The following MTMR2 variants were observed in gnomAD, a reference collection of about 807,000 sequenced individuals.
The protein encoded by MTMR2 is myotubularin related protein 2.
A neutral mutation model predicts 86.9 loss-of-function variants in MTMR2; 55 were observed. That is an observed-to-expected ratio of 0.63 (90% CI 0.51 to 0.79). The LOEUF (loss-of-function observed/expected upper bound fraction) is 0.79. Among genes scored for constraint, MTMR2 ranks in the 30% least tolerant of loss-of-function variants. The pLI is 0.00. For synonymous variants in MTMR2, 241 were observed against 266.8 expected, an observed-to-expected ratio of 0.90 and a Z score of 0.94; for missense variants, 659 against 772.3, an observed-to-expected ratio of 0.85 and a Z score of 1.74.
chr11:95,891,072 T>C (rs1359094197), intron 1 of MTMR2, among the ~76,000 whole-genome samples: 1 of 152,142 alleles, frequency 6.6e-6, no homozygotes, highest in Non-Finnish European at 1.5e-5. Flanking sequence ...TTAAAGGCAA[T>C]TGAATATAAC....
chr11:95,872,241 T>C lies in MTMR2; in HGVS notation c.187-6565A>G, dbSNP rs1393790633. Among the ~76,000 whole-genome samples, 50 of 151,526 alleles carry C rather than the reference T, an allele frequency of 3.3e-4. No individual in the cohort carries two copies. In the South Asian group the frequency reaches 9.4e-3, roughly 28 times the overall value. On this transcript the variant is annotated intron_variant, in intron 2 of 14. Transcript: ENST00000346299. ...TGGCCATTTTCACGATATTGATTCT[T>C]CCTACCCATGAGCATGGAATGTTCA...
intron 1 of MTMR2, among the ~76,000 whole-genome samples, chr11:95,911,307 T>C (rs1866495473): frequency 6.6e-6 from 1 of 152,174 alleles, no homozygotes; most frequent in African/African-American, 2.4e-5. Flanking sequence ...CACAGGCATA[T>C]GATTTCATAA....
intron 1 of MTMR2, among the ~76,000 whole-genome samples, chr11:95,898,156 C>T (rs1216325612): frequency 6.6e-6 from 1 of 151,694 alleles, no homozygotes; most frequent in Non-Finnish European, 1.5e-5. Flanking sequence ...GCCTCCATTT[C>T]TCAATGCCCA....
rs16922613 is a variant in MTMR2 at position 95,832,884 on chromosome 11, G to A, written c.*2406C>T. ...AGGAATGTGTCATCCATCCACTTAC[G>A]TTGTAACAGAGCTTTATTGCAATTC... On this transcript the variant is annotated 3_prime_UTR_variant, in exon 15 of 15. Coordinates refer to ENST00000346299, the MANE Select transcript of MTMR2 (RefSeq NM_016156.6). The A allele has an allele frequency of 0.018, 2,679 of 152,136 alleles. 38 individuals are homozygous for A. Among genetic ancestry groups the A allele is most frequent in the East Asian group, 0.046 (237 of 5,180 alleles). 9.4% of individuals were successfully genotyped at this position (152,136 alleles called of 1,614,324 possible). A position where few individuals can be genotyped will look rare whatever the true frequency, so the allele number is the denominator to read the frequency against.
chr11:95,900,165 T>C (rs570246912), intron 1 of MTMR2, among the ~76,000 whole-genome samples: 19 of 152,270 alleles, frequency 1.2e-4, no homozygotes, highest in South Asian at 1.2e-3. Flanking sequence ...GTGGAAATAA[T>C]TCAATAGATT....
intron 2 of MTMR2, chr11:95,866,578 C>G (rs564994220): frequency 6.6e-6 from 1 of 151,566 alleles, no homozygotes; most frequent in Admixed American, 6.6e-5. Flanking sequence ...CATAAAGTAA[C>G]TTTAATGCAA....
chr11:95,875,282 G>C (rs1458202165), intron 2 of MTMR2, among the ~76,000 whole-genome samples: 1 of 136,686 alleles, frequency 7.3e-6, no homozygotes, highest in Non-Finnish European at 1.7e-5. Flanking sequence ...TTTCTTGGAG[G>C]CTTTGTTCAT....
chr11:95,889,773 A>G (rs1426630734), intron 1 of MTMR2, among the ~76,000 whole-genome samples: 1 of 152,248 alleles, frequency 6.6e-6, no homozygotes, highest in Non-Finnish European at 1.5e-5. Context: ...AATAACTGAT[A>G]TCATTTCCTC....
At chr11:95,839,681 G>C (rs1194629172) in intron 12 of MTMR2, among the ~76,000 whole-genome samples, 8 of 152,184 alleles carry the variant, frequency 5.3e-5, no homozygotes, top group Admixed American at 4.6e-4. Context: ...GATGGAAATA[G>C]GAGGAGAGGT....
chr11:95,843,309 G>A (rs1001391424), intron 11 of MTMR2, among the ~76,000 whole-genome samples: 2 of 152,076 alleles, frequency 1.3e-5, no homozygotes, highest in African/African-American at 4.8e-5. Flanking sequence ...ATTTACATTT[G>A]GAAGATCTGT....
At chr11:95,923,829 T>C (rs1307718071) in intron 1 of MTMR2, 46 bp downstream of exon 1, 4 of 1,547,948 alleles carry the variant, frequency 2.6e-6, no homozygotes, top group Non-Finnish European at 2.6e-6. Flanking sequence ...CCGGCCCCTC[T>C]CCATCCCCTT....
chr11:95,918,495 T>A (rs982767920), intron 1 of MTMR2, among the ~76,000 whole-genome samples: 1 of 152,244 alleles, frequency 6.6e-6, no homozygotes, highest in Non-Finnish European at 1.5e-5. Context: ...TCTTCAAATA[T>A]GTGCTTTCTG....
chr11:95,894,040 T>C (rs1865800254), intron 1 of MTMR2, among the ~76,000 whole-genome samples: 1 of 152,170 alleles, frequency 6.6e-6, no homozygotes, highest in Admixed American at 6.6e-5. Flanking sequence ...GCCCTTGTTC[T>C]ACATATCCAG....
At chr11:95,904,744 C>T (rs1565383436) in intron 1 of MTMR2, among the ~76,000 whole-genome samples, 1 of 152,314 alleles carries the variant, frequency 6.6e-6, no homozygotes, top group East Asian at 1.9e-4. Context: ...GAGTAGGTAG[C>T]TATTCTTTAT....
chr11:95,904,111 G>A (rs1420885553), intron 1 of MTMR2, among the ~76,000 whole-genome samples: 5 of 151,938 alleles, frequency 3.3e-5, no homozygotes, highest in African/African-American at 1.2e-4. Context: ...TCCAGCCTGG[G>A]TGACAGAGCA....
chr11:95,882,287 CAGA>C (rs1287928672), intron 2 of MTMR2: 5 of 152,132 alleles, frequency 3.3e-5, no homozygotes, highest in African/African-American at 4.8e-5. Context: ...ATCATGAGAT[CAGA>C]AGATCAAGGT....
At position 95,838,182 on chromosome 11, in the gene MTMR2, T is replaced by C; in HGVS notation, c.1505A>G (p.Glu502Gly). Reference sequence around the variant, plus strand: ...GTCCAAAATGGTAATGAGAAAATACTCATTGAATTCAAATGCGGTAGGAAA... The same window carrying C: ...GTCCAAAATGGTAATGAGAAAATACCCATTGAATTCAAATGCGGTAGGAAA... ...RQFPTAFEFN[E>G]YFLITILDHL... The change falls in exon 13 of 15, where the codon GAG (glutamate) becomes GGG (glycine). Residue 502 changes from glutamate (E) to glycine (G), a missense_variant. Coordinates refer to ENST00000346299, the MANE Select transcript of MTMR2 (RefSeq NM_016156.6). 1.2e-6 allele frequency: 2 copies of C among 1,606,328 alleles called. No homozygotes were observed. Among genetic ancestry groups the C allele is most frequent in the Non-Finnish European group, 1.7e-6 (2 of 1,173,206 alleles).
intron 2 of MTMR2, 149 bp from the exon 3 acceptor site, chr11:95,865,825 C>T (rs1591001082): frequency 1.4e-6 from 1 of 691,624 alleles, no homozygotes. Context: ...GTAGTGTTGG[C>T]ATGTATAATA....
At chr11:95,852,040 T>C (rs1410084483) in intron 7 of MTMR2, among the ~76,000 whole-genome samples, 3 of 152,236 alleles carry the variant, frequency 2.0e-5, no homozygotes, top group Non-Finnish European at 4.4e-5. Flanking sequence ...TGGTTGGACT[T>C]AAGAAAATCT....
Sources: allele counts gnomAD v4.1 joint callset (sites outside exome capture counted in the v4.1 genomes callset), GRCh38; gene constraint gnomAD v4.1.1; transcripts MANE v1.5; gene names NCBI Gene and HGNC (gene_info 2026-07-23, HGNC 2026-07-21).